RAPGEF4: variants seen among roughly 807,000 people sequenced by gnomAD.
RAPGEF4 encodes the protein Rap guanine nucleotide exchange factor 4.
Under a neutral mutation model 147.9 loss-of-function variants are expected in RAPGEF4, and 66 were observed. The ratio of observed to expected loss-of-function variants is 0.45; its 90% CI spans 0.37 to 0.55. RAPGEF4 has a LOEUF of 0.55. RAPGEF4 is among the 20% of genes least tolerant of loss of function. RAPGEF4 has a pLI of 0.00. For missense variants in RAPGEF4, 1,071 were observed against 1,257.3 expected (o/e 0.85, Z 2.24); for synonymous variants, 419 against 442.7 (o/e 0.95, Z 0.67).
chr2:172,991,225 A>G (rs1161180363), intron 15 of RAPGEF4, among the ~76,000 whole-genome samples: 6 of 152,196 alleles, frequency 3.9e-5, no homozygotes, highest in Non-Finnish European at 5.9e-5. Context: ...TGAGAGAACA[A>G]TGGGAATAGC....
intron 4 of RAPGEF4, among the ~76,000 whole-genome samples, chr2:172,817,020 A>G (rs894499885): frequency 2.0e-5 from 3 of 152,258 alleles, no homozygotes; most frequent in Non-Finnish European, 4.4e-5. Context: ...CATGCAGTAC[A>G]TGATAATCCT....
At chr2:172,880,732 C>A (rs1696529967) in intron 4 of RAPGEF4, among the ~76,000 whole-genome samples, 1 of 152,220 alleles carries the variant, frequency 6.6e-6, no homozygotes, top group Admixed American at 6.5e-5. Context: ...TTGACAAGTT[C>A]TTTAACCTGC....
chr2:172,917,695 C>G, intron 4 of RAPGEF4, 107 bp from the exon 5 acceptor site: 2 of 929,842 alleles, frequency 2.2e-6, no homozygotes, highest in Admixed American at 3.5e-5. Flanking sequence ...AAATACAAGG[C>G]TCAGATGCTT....
At chr2:172,876,426 A>G (rs1323179629) in intron 4 of RAPGEF4, among the ~76,000 whole-genome samples, 1 of 152,174 alleles carries the variant, frequency 6.6e-6, no homozygotes, top group African/African-American at 2.4e-5. Context: ...ATGTCCCATC[A>G]ATACCTAATT....
At chr2:172,952,631 G>GA (rs1301520712) in intron 6 of RAPGEF4, among the ~76,000 whole-genome samples, 1 of 152,080 alleles carries the variant, frequency 6.6e-6, no homozygotes, top group African/African-American at 2.4e-5. Context: ...AATTTGTAAG[G>GA]AAAAAATGAA....
chr2:172,833,785 C>T (rs1381978350), intron 4 of RAPGEF4, among the ~76,000 whole-genome samples: 2 of 152,090 alleles, frequency 1.3e-5, no homozygotes, highest in African/African-American at 4.8e-5. Context: ...GAGTTTTTTC[C>T]TCAAGACATT....
intron 4 of RAPGEF4, among the ~76,000 whole-genome samples, chr2:172,910,764 A>G (rs1374245579): frequency 1.3e-5 from 2 of 152,224 alleles, no homozygotes; most frequent in African/African-American, 4.8e-5. Flanking sequence ...GCAGCACCCC[A>G]GGAGAGAGCA....
In RAPGEF4 at chr2:173,052,828, G is replaced by A. The variant is rs1318759124; in HGVS notation, c.*1061G>A. On this transcript the variant is annotated 3_prime_UTR_variant, in exon 31 of 31. Transcript: ENST00000397081. The stretch of plus-strand genomic sequence containing the variant: ...AGACTACATTTAATGTGTAGGAATT[G>A]TATGTATGTATATCTTCTGTAAATA... 1 of 152,134 alleles carries A rather than the reference G, an allele frequency of 6.6e-6. No homozygotes were observed. The highest frequency in any genetic ancestry group is 1.5e-5 in the Non-Finnish European group (1 of 67,994). 9.4% of individuals were successfully genotyped at this position (152,134 alleles called of 1,614,324 possible).
intron 1 of RAPGEF4, among the ~76,000 whole-genome samples, chr2:172,791,888 T>A (rs1685865414): frequency 6.6e-6 from 1 of 152,238 alleles, no homozygotes; most frequent in Non-Finnish European, 1.5e-5. Context: ...ACACTCCTAA[T>A]GTGGGAGATG....
intron 1 of RAPGEF4, among the ~76,000 whole-genome samples, chr2:172,767,395 T>C (rs893151433): frequency 1.2e-4 from 19 of 152,106 alleles, no homozygotes; most frequent in Non-Finnish European, 4.4e-5. Flanking sequence ...GTCAGGCTGG[T>C]CTCGAACTCC....
rs575415227 is a variant in RAPGEF4, at chr2:172,962,423, G to A, written c.698+1195G>A. On this transcript the variant is annotated intron_variant, in intron 8 of 30. Coordinates refer to ENST00000397081, the MANE Select transcript of RAPGEF4 (RefSeq NM_007023.4). ...ACCAACTATGATAGAATCTACAAAG[G>A]TTCTGGTTCAGGAATTTGAGCATAA... Among the ~76,000 whole-genome samples the A allele has an allele frequency of 7.7e-4, 117 of 152,118 alleles. 1 individual carries two copies. In the South Asian group the frequency reaches 0.023, roughly 30 times the overall value.
chr2:172,925,986 GAGGA>G (rs1170582751), intron 6 of RAPGEF4, among the ~76,000 whole-genome samples: 2 of 119,666 alleles, frequency 1.7e-5, no homozygotes, highest in African/African-American at 3.1e-5. Context: ...GGAGGGAAGG[GAGGA>G]AGGAAGGAAG....
chr2:172,819,461 CTTTTTTTTTTT>C (rs1242605865), intron 4 of RAPGEF4, among the ~76,000 whole-genome samples: 1 of 87,008 alleles, frequency 1.1e-5, no homozygotes, highest in Admixed American at 1.7e-4. Flanking sequence ...ATTTTTAGTT[CTTTTTTTTTTT>C]TTTTTTTTTT....
Position 172,895,134 on chromosome 2 carries a change from T to A in RAPGEF4, c.445-22668T>A, listed in dbSNP as rs527254435. 1.1e-4 allele frequency among the ~76,000 whole-genome samples: 16 copies of A among 152,266 alleles called. 1 individual carries two copies. In the South Asian group the frequency reaches 3.3e-3, roughly 32 times the overall value. The stretch of plus-strand genomic sequence containing the variant: ...GGCAGCAGCCTGACAGCCACTTCGC[T>A]TTCATGTTTTTCATTTATCTTTGTT... On this transcript the variant is annotated intron_variant, in intron 4 of 30. Transcript: ENST00000397081.
rs775070950 is a variant in RAPGEF4 at position 172,996,564 on chromosome 2, T to A, written c.1579+10T>A. 4 of 1,520,730 alleles carry A rather than the reference T, an allele frequency of 2.6e-6. No homozygotes were observed. Among genetic ancestry groups the A allele is most frequent in the Non-Finnish European group, 3.6e-6 (4 of 1,123,562 alleles). The allele number at this position is 1,520,730 out of a possible 1,614,324, so 94.2% of individuals were successfully genotyped here. On this transcript the variant is annotated intron_variant, in intron 16 of 30. Transcript: ENST00000397081. ...TTAAATGAAGCAACAGGTATACACATAGAACCGTTTGCATGTCCATTAAAT... is the reference window on the plus strand; with the variant it reads ...TTAAATGAAGCAACAGGTATACACAAAGAACCGTTTGCATGTCCATTAAAT...
chr2:172,902,939 A>G (rs982180397), intron 4 of RAPGEF4, among the ~76,000 whole-genome samples: 2 of 152,220 alleles, frequency 1.3e-5, no homozygotes, highest in Admixed American at 6.5e-5. Flanking sequence ...GCTTAGATTG[A>G]CAAGGATGTT....
intron 30 of RAPGEF4, 130 bp downstream of exon 30, chr2:173,048,784 C>T: frequency 6.7e-7 from 1 of 1,489,984 alleles, no homozygotes; most frequent in South Asian, 1.4e-5. Flanking sequence ...ACCATGAATT[C>T]CATGAGATAG....
intron 4 of RAPGEF4, among the ~76,000 whole-genome samples, chr2:172,841,330 C>T (rs1481848210): frequency 6.6e-6 from 1 of 152,194 alleles, no homozygotes; most frequent in African/African-American, 2.4e-5. Flanking sequence ...TTTCAGCTCC[C>T]CTTTATCTTC....
intron 1 of RAPGEF4, among the ~76,000 whole-genome samples, chr2:172,762,740 A>T (rs749802063): frequency 5.3e-5 from 8 of 152,212 alleles, no homozygotes; most frequent in Non-Finnish European, 8.8e-5. Context: ...AAGGTCATAG[A>T]TAGGAATCAC....
Sources: gnomAD v4.1 joint callset for allele counts (sites outside exome capture counted in the v4.1 genomes callset) on GRCh38, gnomAD v4.1.1 for gene constraint, MANE v1.5 for transcripts, NCBI Gene and HGNC (gene_info 2026-07-23, HGNC 2026-07-21) for gene names.